The following VAV1 variants were observed in gnomAD, a reference collection of about 807,000 sequenced individuals.
The protein encoded by VAV1 is proto-oncogene vav.
In VAV1, 33 loss-of-function variants were observed where a neutral mutation model predicts 128.1. The ratio of observed to expected loss-of-function variants is 0.26; its 90% CI spans 0.20 to 0.34. The LOEUF (loss-of-function observed/expected upper bound fraction) is 0.34. VAV1 is among the 10% of genes least tolerant of loss of function. The pLI is 1.00. For synonymous variants in VAV1, 394 were observed against 409.8 expected (o/e 0.96, Z 0.47); for missense variants, 715 against 1,093.7 (o/e 0.65, Z 4.88).
chr19:6,801,465 C>T (rs115135994), intron 1 of VAV1, among the ~76,000 whole-genome samples: 1,843 of 152,130 alleles, frequency 0.012, 36 homozygotes, highest in African/African-American at 0.042. Flanking sequence ...GGCTTCCTCA[C>T]AGAAGGGTTT....
intron 16 of VAV1, 29 bp downstream of exon 16, chr19:6,833,314 A>C: frequency 6.3e-7 from 1 of 1,586,802 alleles, no homozygotes; most frequent in Non-Finnish European, 8.6e-7. Context: ...GGTCCTGCAT[A>C]CCGGACTTGG....
intron 1 of VAV1, among the ~76,000 whole-genome samples, chr19:6,775,224 A>G (rs1970597619): frequency 6.6e-6 from 1 of 152,212 alleles, no homozygotes; most frequent in African/African-American, 2.4e-5. Context: ...TTTCTAGGGC[A>G]TGAGGAAGTA....
At position 6,822,545 on chromosome 19, in the gene VAV1, C is replaced by T. The variant is rs764188724; in HGVS notation, c.654+31C>T. On this transcript the variant is annotated intron_variant, in intron 6 of 26. Transcript: ENST00000602142. The surrounding 1 kb of genome is among the most constrained non-coding windows in gnomAD (Gnocchi z 5.9). The stretch of plus-strand genomic sequence containing the variant: ...CGCCTCCCACCCAGCGCCTGCCGGG[C>T]GCATGCGCGGGAGCTGGGCCGGCAG... 6.5e-7 allele frequency: 1 copy of T among 1,537,588 alleles called. No individual in the cohort carries two copies. The highest frequency in any genetic ancestry group is 8.7e-7 in the Non-Finnish European group (1 of 1,143,114).
intron 1 of VAV1, among the ~76,000 whole-genome samples, chr19:6,797,555 T>G (rs1971164274): frequency 6.6e-6 from 1 of 151,754 alleles, no homozygotes; most frequent in Admixed American, 6.6e-5. Flanking sequence ...ACTGCAAAAT[T>G]AGCTGGGCGT....
intron 1 of VAV1, among the ~76,000 whole-genome samples, chr19:6,780,150 ATAATAATAAC>A (rs1970739463): frequency 7.0e-6 from 1 of 143,292 alleles, no homozygotes; most frequent in Non-Finnish European, 1.5e-5. Context: ...AATAATAATA[ATAATAATAAC>A]CTCATCCATG....
intron 1 of VAV1, among the ~76,000 whole-genome samples, chr19:6,782,822 C>T (rs1158992512): frequency 6.6e-6 from 1 of 151,468 alleles, no homozygotes; most frequent in Non-Finnish European, 1.5e-5. Context: ...TTGGAGGCTG[C>T]AGTGAGCTAT....
chr19:6,844,672 G>A (rs766654616), intron 22 of VAV1, among the ~76,000 whole-genome samples: 40 of 152,064 alleles, frequency 2.6e-4, no homozygotes, highest in Admixed American at 2.4e-3. Context: ...CACGTAAGAG[G>A]CAGGGTCAGG....
At chr19:6,838,874 G>T (rs1184117279) in intron 21 of VAV1, among the ~76,000 whole-genome samples, 2 of 149,752 alleles carry the variant, frequency 1.3e-5, no homozygotes, top group Non-Finnish European at 2.9e-5. Context: ...GACCACAGAT[G>T]CAAGCCATTA....
chr19:6,833,648 G>A, intron 17 of VAV1, 23 bp downstream of exon 17: 3 of 1,614,118 alleles, frequency 1.9e-6, no homozygotes, highest in East Asian at 2.2e-5. Context: ...GGGAGGCTGG[G>A]AGGTGAGCTT....
intron 22 of VAV1, among the ~76,000 whole-genome samples, chr19:6,847,654 C>G (rs1018482750): frequency 4.6e-5 from 7 of 152,104 alleles, no homozygotes; most frequent in South Asian, 2.1e-4. Flanking sequence ...CTACTTCTGT[C>G]CGGGTGACCA....
rs915943899 is a variant in VAV1, at chr19:6,777,646, C to T, written c.204+4635C>T. 2.6e-5 allele frequency among the ~76,000 whole-genome samples: 4 copies of T among 152,068 alleles called. No homozygotes were observed. The highest frequency in any genetic ancestry group is 5.9e-5 in the Non-Finnish European group (4 of 68,018). On this transcript the variant is annotated intron_variant, in intron 1 of 26. Transcript: ENST00000602142. The surrounding 1 kb of genome is among the most constrained non-coding windows in gnomAD (Gnocchi z 4.4). ...AGGAGCCAGTCAGTGCCTGTATGTT[C>T]AGGGCAGTGACTGGCCCAGCTGGTG...
chr19:6,831,979 C>G, intron 14 of VAV1, 112 bp from the exon 15 acceptor site: 1 of 770,082 alleles, frequency 1.3e-6, no homozygotes, highest in South Asian at 1.7e-5. Context: ...GTGCTAGGGG[C>G]ATAGAGACTG....
rs149610699 is a variant in VAV1, at chr19:6,833,630, G to A, written c.1708+5G>A. On this transcript the variant is annotated splice_donor_5th_base_variant and intron_variant, in intron 17 of 26. Coordinates refer to ENST00000602142, the MANE Select transcript of VAV1 (RefSeq NM_005428.4). ...CATGTGGCCGACATGGGCAAGGTAC[G>A]AGTGGGAGGGAGGCTGGGAGGTGAG... 31 of 1,614,050 alleles carry A rather than the reference G, an allele frequency of 1.9e-5. No individual in the cohort carries two copies. Among genetic ancestry groups the A allele is most frequent in the East Asian group, 6.7e-5 (3 of 44,880 alleles).
Position 6,828,305 on chromosome 19 carries a change from C to A in VAV1, c.1024-114C>A. The A allele has an allele frequency of 7.2e-6, 11 of 1,530,264 alleles. No individual in the cohort carries two copies. The South Asian group carries it at 1.3e-4, about 18-fold the overall frequency. The allele number at this position is 1,530,264 out of a possible 1,614,324, so 94.8% of individuals were successfully genotyped here. On this transcript the variant is annotated intron_variant, in intron 10 of 26. Coordinates refer to ENST00000602142, the MANE Select transcript of VAV1 (RefSeq NM_005428.4). This position sits in a 1 kb window ranked among gnomAD's most constrained non-coding sequence, Gnocchi z 4.5. Reference sequence around the variant, plus strand: ...TGGGTCACTGGGGTCATGTCTCAGCCTCCAGGGTCAGCAGTACGATGGAGG... The same window carrying A: ...TGGGTCACTGGGGTCATGTCTCAGCATCCAGGGTCAGCAGTACGATGGAGG...
In VAV1 at chr19:6,825,285, A is replaced by C. The variant is rs956818812; in HGVS notation, c.724-18A>C. 1.2e-6 allele frequency: 2 copies of C among 1,605,752 alleles called. No homozygotes were observed. Among genetic ancestry groups the C allele is most frequent in the Non-Finnish European group, 1.7e-6 (2 of 1,174,546 alleles). ...GCCCTGGGCTCTGGTCCCAGCCCTC[A>C]CCCTTCCCTCCGAGTAGGACCTGCT... On this transcript the variant is annotated intron_variant, in intron 7 of 26. Coordinates refer to ENST00000602142, the MANE Select transcript of VAV1 (RefSeq NM_005428.4).
At chr19:6,850,625 G>A in intron 23 of VAV1, 45 bp from the exon 24 acceptor site, 1 of 1,591,738 alleles carries the variant, frequency 6.3e-7, no homozygotes, top group South Asian at 1.1e-5. Context: ...GGTGGGGAAT[G>A]GGCCTGGTCC....
intron 1 of VAV1, among the ~76,000 whole-genome samples, chr19:6,812,869 G>A (rs569763725): frequency 1.3e-5 from 2 of 152,034 alleles, no homozygotes; most frequent in African/African-American, 4.8e-5. Flanking sequence ...TGGTGATGAG[G>A]AGAATGGTGA....
chr19:6,833,464 G>T (rs903754619), intron 16 of VAV1, 64 bp from the exon 17 acceptor site: 25 of 1,493,516 alleles, frequency 1.7e-5, no homozygotes, highest in Non-Finnish European at 2.3e-5. Flanking sequence ...TATGTTTTTA[G>T]CAGAATATTT....
chr19:6,824,618 G>A (rs1971871588), intron 6 of VAV1, among the ~76,000 whole-genome samples: 1 of 151,798 alleles, frequency 6.6e-6, no homozygotes, highest in Admixed American at 6.6e-5. Flanking sequence ...TGCAACCTCT[G>A]CCATCCAGGT....
Sources: gnomAD v4.1 joint callset for allele counts (sites outside exome capture counted in the v4.1 genomes callset) on GRCh38, gnomAD v4.1.1 for gene constraint, Gnocchi (gnomAD v3.1) non-coding constraint, MANE v1.5 for transcripts, NCBI Gene and HGNC (gene_info 2026-07-23, HGNC 2026-07-21) for gene names.